The following CD8B2 variants were observed in gnomAD, a reference collection of about 807,000 sequenced individuals.
CD8B2 encodes CD8B family member 2, also known as T-cell surface glycoprotein CD8 beta-2 chain.
CD8B2 carries 11 observed loss-of-function variants against 23.7 expected under a neutral mutation model. The observed-to-expected ratio is 0.46, with a 90% CI of 0.29 to 0.77. CD8B2 has a LOEUF of 0.77. Ranked by LOEUF, CD8B2 falls within the 30% of genes least tolerant of loss-of-function variation. The probability of loss-of-function intolerance (pLI) is 0.09; values close to 1 mark genes in which losing one functional copy is unlikely to be tolerated. For missense variants in CD8B2, 197 were observed against 270.5 expected, an observed-to-expected ratio of 0.73 and a Z score of 1.91; for synonymous variants, 90 against 109.3, an observed-to-expected ratio of 0.82 and a Z score of 1.10.
Position 106,510,161 on chromosome 2 carries a change from CA to C in CD8B2, c.*3224del, listed in dbSNP as rs1679595509. 6.6e-6 allele frequency: 1 copy of C among 152,134 alleles called. No homozygotes were observed. Among genetic ancestry groups the C allele is most frequent in the Non-Finnish European group, 1.5e-5 (1 of 68,030 alleles). The allele number at this position is 152,134 out of a possible 1,614,324, so 9.4% of individuals were successfully genotyped here. The stretch of plus-strand genomic sequence containing the variant: ...CAAGCACAGAAGAAAACAAGCAAAA[CA>C]AATATATGTTGTTAGAAGTTAGGAT... On this transcript the variant is annotated 3_prime_UTR_variant, in exon 6 of 6. Coordinates refer to ENST00000643224, the MANE Select transcript of CD8B2 (RefSeq NM_001349727.2).
downstream of CD8B2, among the ~76,000 whole-genome samples, chr2:106,512,659 G>A (rs768997055): frequency 1.3e-4 from 20 of 152,040 alleles, no homozygotes; most frequent in Middle Eastern, 6.8e-3. Flanking sequence ...TGCCCAGGCT[G>A]GTCTCAAACT....
chr2:106,503,487 G>A (rs13423989), intron 4 of CD8B2, among the ~76,000 whole-genome samples: 2 of 152,150 alleles, frequency 1.3e-5, no homozygotes, highest in African/African-American at 4.8e-5. Flanking sequence ...AAACTCTCTC[G>A]ATCAAGGAAG....
chr2:106,542,867 A>ACTGAGCAGTGCCCCT (rs1680198470), intron 5 of CD8B2: 1 of 152,080 alleles, frequency 6.6e-6, no homozygotes, highest in Admixed American at 6.6e-5. Flanking sequence ...CGGCTTATCA[A>ACTGAGCAGTGCCCCT]CTGAGCAGTG....
chr2:106,512,510 G>A (rs1353081998), downstream of CD8B2, among the ~76,000 whole-genome samples: 1 of 152,066 alleles, frequency 6.6e-6, no homozygotes, highest in Non-Finnish European at 1.5e-5. Context: ...TGTTGCCCAG[G>A]CTAGTGTGCA....
At chr2:106,526,075 T>G (rs766729696) in intron 5 of CD8B2, among the ~76,000 whole-genome samples, 1 of 152,228 alleles carries the variant, frequency 6.6e-6, no homozygotes, top group East Asian at 1.9e-4. Context: ...ACCCTGTCTC[T>G]ACTAAAATAC....
intron 3 of CD8B2, among the ~76,000 whole-genome samples, chr2:106,497,303 A>G (rs1238820634): frequency 1.3e-5 from 2 of 152,314 alleles, no homozygotes; most frequent in South Asian, 2.1e-4. Flanking sequence ...AATACCTAAC[A>G]GAGGACCTAA....
At chr2:106,533,204 G>T (rs962856820) in intron 5 of CD8B2, among the ~76,000 whole-genome samples, 1 of 152,154 alleles carries the variant, frequency 6.6e-6, no homozygotes, top group African/African-American at 2.4e-5. Context: ...AGAATCCGGG[G>T]GCACCAGGGC....
intron 4 of CD8B2, 129 bp from the exon 5 acceptor site, chr2:106,504,160 G>T (rs1314408008): frequency 1.7e-6 from 2 of 1,147,274 alleles, no homozygotes; most frequent in East Asian, 5.2e-5. Flanking sequence ...AAGTGTTTGG[G>T]CCAGGGTCTG....
At chr2:106,530,584 T>C (rs1248925095) in intron 5 of CD8B2, among the ~76,000 whole-genome samples, 2 of 152,162 alleles carry the variant, frequency 1.3e-5, no homozygotes, top group African/African-American at 4.8e-5. Flanking sequence ...TTTCACCCTG[T>C]TAGCCAGGAT....
At chr2:106,491,337 A>G in intron 2 of CD8B2, 104 bp downstream of exon 2, 3 of 960,314 alleles carry the variant, frequency 3.1e-6, no homozygotes, top group East Asian at 2.4e-5. Flanking sequence ...TGCAGCTGTG[A>G]CTAATGGCAC....
intron 1 of CD8B2, among the ~76,000 whole-genome samples, chr2:106,488,517 TC>T (rs1177625081): frequency 6.6e-6 from 1 of 151,246 alleles, no homozygotes; most frequent in Non-Finnish European, 1.5e-5. Flanking sequence ...CTTACAGGAG[TC>T]GCTTCTGGGT....
At chr2:106,495,925 G>C (rs1255194804) in intron 2 of CD8B2, among the ~76,000 whole-genome samples, 1 of 151,942 alleles carries the variant, frequency 6.6e-6, no homozygotes, top group Non-Finnish European at 1.5e-5. Context: ...CAGCCTCCTG[G>C]GTAGCTGGGA....
At chr2:106,532,460 G>T (rs764875754) in intron 5 of CD8B2, among the ~76,000 whole-genome samples, 4 of 152,172 alleles carry the variant, frequency 2.6e-5, no homozygotes, top group Non-Finnish European at 4.4e-5. Flanking sequence ...AATTTGGGGC[G>T]AGTCCATATA....
At chr2:106,522,831 C>G (rs1188367116) in intron 5 of CD8B2, among the ~76,000 whole-genome samples, 1 of 152,096 alleles carries the variant, frequency 6.6e-6, no homozygotes, top group East Asian at 1.9e-4. Flanking sequence ...CTGAGTGAGG[C>G]AGGCACCTTG....
intron 5 of CD8B2, among the ~76,000 whole-genome samples, chr2:106,541,585 G>T (rs1207340926): frequency 6.6e-6 from 1 of 152,142 alleles, no homozygotes; most frequent in South Asian, 2.1e-4. Context: ...ATTTTAGAAT[G>T]CATTTTTCAA....
At position 106,508,802 on chromosome 2, in the gene CD8B2, G is replaced by C. The variant is rs1399133025; in HGVS notation, c.*1862G>C. On this transcript the variant is annotated 3_prime_UTR_variant, in exon 6 of 6. Coordinates refer to ENST00000643224, the MANE Select transcript of CD8B2 (RefSeq NM_001349727.2). ...GTGCTTGGTCTGTGGTCAATCCAGG[G>C]CAGTCTCCCTTTCCATCTGAGATGC... 2.0e-5 allele frequency: 3 copies of C among 152,272 alleles called. No homozygotes were observed. Among genetic ancestry groups the C allele is most frequent in the Admixed American group, 2.0e-4 (3 of 15,282 alleles). 9.4% of individuals were successfully genotyped at this position (152,272 alleles called of 1,614,324 possible). A position where few individuals can be genotyped will look rare whatever the true frequency, so the allele number is the denominator to read the frequency against.
chr2:106,542,030 C>T (rs1296375206), intron 5 of CD8B2, among the ~76,000 whole-genome samples: 1 of 152,224 alleles, frequency 6.6e-6, no homozygotes, highest in African/African-American at 2.4e-5. Context: ...CCAACTTTTC[C>T]TTCTTCCAAC....
intron 5 of CD8B2, among the ~76,000 whole-genome samples, chr2:106,528,395 A>G (rs1287210147): frequency 6.6e-6 from 1 of 151,602 alleles, no homozygotes; most frequent in Non-Finnish European, 1.5e-5. Flanking sequence ...TTTAGTTGTA[A>G]CTCATACAGT....
At chr2:106,537,319 C>T (rs974806108) in intron 5 of CD8B2, among the ~76,000 whole-genome samples, 1 of 152,144 alleles carries the variant, frequency 6.6e-6, no homozygotes, top group East Asian at 1.9e-4. Flanking sequence ...TTTCATTTCC[C>T]TAAACTTGCA....
Sources: allele counts gnomAD v4.1 joint callset (sites outside exome capture counted in the v4.1 genomes callset), GRCh38; gene constraint gnomAD v4.1.1; transcripts MANE v1.5; gene names NCBI Gene and HGNC (gene_info 2026-07-23, HGNC 2026-07-21).